Variants in CTNNA3 observed in about 807,000 individuals in gnomAD.
CTNNA3 encodes catenin alpha-3.
In CTNNA3, 76 loss-of-function variants were observed where a neutral mutation model predicts 95.7. The observed-to-expected ratio is 0.79, with a 90% CI of 0.66 to 0.96. The LOEUF (loss-of-function observed/expected upper bound fraction) is 0.96. Among genes scored for constraint, CTNNA3 ranks in the 40% least tolerant of loss-of-function variants. The probability of loss-of-function intolerance (pLI) is 0.00; values close to 1 mark genes in which losing one functional copy is unlikely to be tolerated. For synonymous variants in CTNNA3, 431 were observed against 374.4 expected, an observed-to-expected ratio of 1.15 and a Z score of -1.74; for missense variants, 1,191 against 1,089.8, an observed-to-expected ratio of 1.09 and a Z score of -1.31.
Position 66,940,835 on chromosome 10 carries a change from G to A in CTNNA3, c.1048-165311C>T, listed in dbSNP as rs1847956666. Among the ~76,000 whole-genome samples the A allele has an allele frequency of 3.3e-5, 5 of 152,106 alleles. No homozygotes were observed. The South Asian group carries it at 1.0e-3, about 32-fold the overall frequency. On this transcript the variant is annotated intron_variant, in intron 7 of 17. Coordinates refer to ENST00000433211, the MANE Select transcript of CTNNA3 (RefSeq NM_013266.4). ...CAGTTTGTATTTCAACTGTACCCAA[G>A]TGCAGATGCCATCTCTGGTAATATG...
At chr10:66,800,012 A>G (rs2132230481) in intron 7 of CTNNA3, among the ~76,000 whole-genome samples, 1 of 151,552 alleles carries the variant, frequency 6.6e-6, no homozygotes, top group South Asian at 2.1e-4. Flanking sequence ...TCATTCTAAG[A>G]TAAAAGTTCA....
intron 7 of CTNNA3, among the ~76,000 whole-genome samples, chr10:67,134,590 T>G (rs541542000): frequency 9.9e-5 from 15 of 152,006 alleles, no homozygotes; most frequent in Non-Finnish European, 1.9e-4. Context: ...TGAGCACCCA[T>G]CAAGAGAGCA....
rs1012018983 is a variant in CTNNA3, at chr10:66,146,418, T to C, written c.1885-43169A>G. On this transcript the variant is annotated intron_variant, in intron 13 of 17. Coordinates refer to ENST00000433211, the MANE Select transcript of CTNNA3 (RefSeq NM_013266.4). ...GAGTTACTCCAAACTTTCATGCAAGTATTCATTAGACCTCTCCCACTCTCT... is the reference window on the plus strand; with the variant it reads ...GAGTTACTCCAAACTTTCATGCAAGCATTCATTAGACCTCTCCCACTCTCT... Among the ~76,000 whole-genome samples the C allele has an allele frequency of 8.5e-5, 13 of 152,162 alleles. No individual in the cohort carries two copies. In the South Asian group the frequency reaches 1.2e-3, roughly 15 times the overall value.
intron 17 of CTNNA3, among the ~76,000 whole-genome samples, chr10:65,945,314 A>T (rs1236337784): frequency 1.3e-5 from 2 of 152,184 alleles, no homozygotes; most frequent in African/African-American, 4.8e-5. Context: ...GCGATGACAC[A>T]TGCATCAGCA....
chr10:67,120,766 C>T (rs1859426064), intron 7 of CTNNA3, among the ~76,000 whole-genome samples: 1 of 151,922 alleles, frequency 6.6e-6, no homozygotes, highest in African/African-American at 2.4e-5. Flanking sequence ...ATTCCCTTAC[C>T]GTACAAAGAA....
chr10:66,844,635 A>C (rs1390319378), intron 7 of CTNNA3, among the ~76,000 whole-genome samples: 1 of 152,206 alleles, frequency 6.6e-6, no homozygotes. Flanking sequence ...GGAGTCAGTC[A>C]GTAATCTAAG....
In CTNNA3 at chr10:66,216,012, C is replaced by T. The variant is rs1161183352; in HGVS notation, c.1884+64458G>A. On this transcript the variant is annotated intron_variant, in intron 13 of 17. Transcript: ENST00000433211. Reference sequence around the variant, plus strand: ...TACTTTCAGTTATTTTATTACTGGCCTCATTGTATGTGGAGGCTAATGCAA... The same window carrying T: ...TACTTTCAGTTATTTTATTACTGGCTTCATTGTATGTGGAGGCTAATGCAA... 2.6e-5 allele frequency among the ~76,000 whole-genome samples: 4 copies of T among 152,230 alleles called. No individual in the cohort carries two copies. The East Asian group carries it at 7.7e-4, about 29-fold the overall frequency.
intron 5 of CTNNA3, among the ~76,000 whole-genome samples, chr10:67,338,669 C>T (rs1331572347): frequency 6.6e-6 from 1 of 152,062 alleles, no homozygotes. Flanking sequence ...ATCAAAACAA[C>T]CTTCTTCCAG....
intron 5 of CTNNA3, among the ~76,000 whole-genome samples, chr10:67,303,731 A>G (rs897610016): frequency 1.3e-5 from 2 of 152,182 alleles, no homozygotes; most frequent in Admixed American, 6.5e-5. Flanking sequence ...AAGAAATGTC[A>G]GGGATTGTTA....
At chr10:66,821,399 G>A (rs973202016) in intron 7 of CTNNA3, among the ~76,000 whole-genome samples, 18 of 151,976 alleles carry the variant, frequency 1.2e-4, no homozygotes, top group South Asian at 4.1e-4. Flanking sequence ...TTTGGACAAC[G>A]GAGATCAATA....
chr10:67,268,346 A>C (rs1311375700), intron 5 of CTNNA3, among the ~76,000 whole-genome samples: 5 of 150,948 alleles, frequency 3.3e-5, no homozygotes, highest in Admixed American at 6.6e-5. Flanking sequence ...AATTAAATTA[A>C]ATTAAATTAA....
chr10:66,567,071 G>T (rs1842733828), intron 10 of CTNNA3, among the ~76,000 whole-genome samples: 1 of 182 alleles, frequency 5.5e-3, no homozygotes, highest in Admixed American at 0.05. Flanking sequence ...GAAGGGGGAG[G>T]GAGGGAGGGA....
At chr10:67,481,272 A>G (rs763491483) in intron 5 of CTNNA3, among the ~76,000 whole-genome samples, 9 of 152,178 alleles carry the variant, frequency 5.9e-5, no homozygotes, top group Non-Finnish European at 1.3e-4. Context: ...TGGAAGTTCT[A>G]GCTGCAACAA....
At chr10:66,089,609 A>G (rs1348926505) in intron 14 of CTNNA3, among the ~76,000 whole-genome samples, 2 of 151,846 alleles carry the variant, frequency 1.3e-5, no homozygotes, top group African/African-American at 4.8e-5. Flanking sequence ...GTTCTTTATA[A>G]ACACTATATT....
chr10:66,422,571 T>C (rs886134730), intron 11 of CTNNA3, among the ~76,000 whole-genome samples: 1 of 152,142 alleles, frequency 6.6e-6, no homozygotes, highest in Non-Finnish European at 1.5e-5. Flanking sequence ...TGTTTTTCTA[T>C]TGTTGATAGA....
intron 1 of CTNNA3, among the ~76,000 whole-genome samples, chr10:67,679,108 A>G (rs537472762): frequency 6.6e-6 from 1 of 152,224 alleles, no homozygotes; most frequent in Non-Finnish European, 1.5e-5. Context: ...AAAAGATAGT[A>G]AGAGAATGCT....
chr10:67,156,900 G>GTTATA (rs59558252), intron 7 of CTNNA3, among the ~76,000 whole-genome samples: 97,024 of 151,068 alleles, frequency 0.64, 32,156 homozygotes, highest in African/African-American at 0.82. Context: ...ATATCCTACT[G>GTTATA]TTATATTGCT....
intron 9 of CTNNA3, among the ~76,000 whole-genome samples, chr10:66,624,346 C>T (rs4143861): frequency 0.33 from 49,456 of 151,810 alleles, 8,520 homozygotes; most frequent in African/African-American, 0.38. Flanking sequence ...CCTGGTGGCC[C>T]TCACCATGTA....
intron 7 of CTNNA3, among the ~76,000 whole-genome samples, chr10:67,039,738 C>T (rs76420356): frequency 0.012 from 1,831 of 152,130 alleles, 46 homozygotes; most frequent in African/African-American, 0.042. Flanking sequence ...CCTGCAAAAT[C>T]GAAACAAGCA....
Sources: gnomAD v4.1 joint callset for allele counts (sites outside exome capture counted in the v4.1 genomes callset) on GRCh38, gnomAD v4.1.1 for gene constraint, MANE v1.5 for transcripts, NCBI Gene and HGNC (gene_info 2026-07-23, HGNC 2026-07-21) for gene names.